KCND2: variants seen among roughly 807,000 people sequenced by gnomAD.
KCND2 encodes the protein A-type voltage-gated potassium channel KCND2.
KCND2 carries 16 observed loss-of-function variants against 54.4 expected under a neutral mutation model. That is an observed-to-expected ratio of 0.29 (90% CI 0.20 to 0.45). KCND2 has a LOEUF of 0.45. Among genes scored for constraint, KCND2 ranks in the 20% least tolerant of loss-of-function variants. The pLI is 1.00. For missense variants in KCND2, 486 were observed against 824.2 expected, an observed-to-expected ratio of 0.59 and a Z score of 5.02; for synonymous variants, 317 against 310.7, an observed-to-expected ratio of 1.02 and a Z score of -0.21.
intron 1 of KCND2, among the ~76,000 whole-genome samples, chr7:120,470,766 C>A (rs994833886): frequency 6.6e-6 from 1 of 151,760 alleles, no homozygotes; most frequent in African/African-American, 2.4e-5. Context: ...GGATGGATCT[C>A]ATGGAAACTC....
intron 1 of KCND2, among the ~76,000 whole-genome samples, chr7:120,338,430 A>G (rs34619721): frequency 0.021 from 3,141 of 152,052 alleles, 51 homozygotes; most frequent in Non-Finnish European, 0.03. Context: ...TTTTTTATCT[A>G]AATATCGTAT....
chr7:120,600,267 A>C (rs1792797767), intron 1 of KCND2, among the ~76,000 whole-genome samples: 1 of 151,986 alleles, frequency 6.6e-6, no homozygotes, highest in Admixed American at 6.6e-5. Flanking sequence ...GGAGACAGAT[A>C]CCAAAAAGCT....
At chr7:120,454,855 G>A (rs1464414937) in intron 1 of KCND2, among the ~76,000 whole-genome samples, 1 of 152,070 alleles carries the variant, frequency 6.6e-6, no homozygotes, top group African/African-American at 2.4e-5. Context: ...CAAAATTAGT[G>A]TACAAAAATC....
chr7:120,301,693 T>A (rs759490882), intron 1 of KCND2, among the ~76,000 whole-genome samples: 25 of 152,182 alleles, frequency 1.6e-4, no homozygotes, highest in Admixed American at 2.0e-4. Flanking sequence ...TTCAATGATA[T>A]TTGAACTTTT....
intron 1 of KCND2, among the ~76,000 whole-genome samples, chr7:120,614,199 G>A (rs1003496235): frequency 6.6e-6 from 1 of 152,128 alleles, no homozygotes; most frequent in Non-Finnish European, 1.5e-5. Flanking sequence ...TTTCAGTAGA[G>A]ACAGGGTTTC....
At position 120,385,732 on chromosome 7, in the gene KCND2, A is replaced by AT. The variant is rs1249325144; in HGVS notation, c.1115+109985_1115+109986insT. Among the ~76,000 whole-genome samples, 852 of 152,300 alleles carry AT rather than the reference A, an allele frequency of 5.6e-3. 4 individuals are homozygous for AT. The highest frequency in any genetic ancestry group is 0.019 in the African/African-American group (784 of 41,584). ...AAACTATGAATGTCTAGTTCAAGAC[A>AT]ACATTAAAGGTTTTGAGGAAAGAAA... is the stretch of plus-strand genomic sequence containing the variant. On this transcript the variant is annotated intron_variant, in intron 1 of 5. Transcript: ENST00000331113.
chr7:120,423,731 T>C (rs971141732), intron 1 of KCND2, among the ~76,000 whole-genome samples: 1 of 152,212 alleles, frequency 6.6e-6, no homozygotes, highest in African/African-American at 2.4e-5. Flanking sequence ...CATTACTGGC[T>C]CTTGTAGCAG....
intron 1 of KCND2, among the ~76,000 whole-genome samples, chr7:120,450,352 T>G (rs1802084231): frequency 6.6e-6 from 1 of 152,032 alleles, no homozygotes; most frequent in Non-Finnish European, 1.5e-5. Flanking sequence ...GAGGTTGCAG[T>G]GAGCCGAGAT....
chr7:120,605,330 C>G (rs556376465), intron 1 of KCND2, among the ~76,000 whole-genome samples: 2 of 152,020 alleles, frequency 1.3e-5, no homozygotes, highest in Admixed American at 6.6e-5. Context: ...ACATTTGTAC[C>G]CTTTTGTATC....
chr7:120,692,485 A>G (rs572320253), intron 1 of KCND2, among the ~76,000 whole-genome samples: 112 of 152,306 alleles, frequency 7.4e-4, no homozygotes, highest in African/African-American at 2.6e-3. Flanking sequence ...GATGTAAGAT[A>G]AACACACCAA....
intron 1 of KCND2, among the ~76,000 whole-genome samples, chr7:120,672,492 C>G (rs1053798903): frequency 1.3e-5 from 2 of 152,112 alleles, no homozygotes; most frequent in African/African-American, 4.8e-5. Context: ...AAGTAATCTA[C>G]TGCTGTGGCC....
At chr7:120,324,621 G>A (rs1351067446) in intron 1 of KCND2, among the ~76,000 whole-genome samples, 9 of 149,570 alleles carry the variant, frequency 6.0e-5, no homozygotes, top group Non-Finnish European at 9.0e-5. Flanking sequence ...GATAAGCGGT[G>A]TTATTTCTGA....
intron 1 of KCND2, among the ~76,000 whole-genome samples, chr7:120,671,804 C>G (rs1791996751): frequency 6.6e-6 from 1 of 152,130 alleles, no homozygotes; most frequent in Non-Finnish European, 1.5e-5. Flanking sequence ...TTAGAACCCT[C>G]AAACCTGCGT....
intron 1 of KCND2, among the ~76,000 whole-genome samples, chr7:120,557,112 TTG>T (rs1217544292): frequency 6.6e-6 from 1 of 152,138 alleles, no homozygotes; most frequent in African/African-American, 2.4e-5. Context: ...TCAAAACATT[TTG>T]TGTGTTACTT....
chr7:120,427,998 A>T (rs763243083), intron 1 of KCND2, among the ~76,000 whole-genome samples: 1 of 152,210 alleles, frequency 6.6e-6, no homozygotes, highest in Non-Finnish European at 1.5e-5. Flanking sequence ...ATTGGTTTAC[A>T]TCTTATATGA....
chr7:120,548,262 A>G (rs981641410), intron 1 of KCND2, among the ~76,000 whole-genome samples: 1 of 152,066 alleles, frequency 6.6e-6, no homozygotes, highest in African/African-American at 2.4e-5. Flanking sequence ...GTGGAAACCG[A>G]CCTAAATCAC....
At chr7:120,377,009 TG>T (rs2116015286) in intron 1 of KCND2, among the ~76,000 whole-genome samples, 1 of 152,058 alleles carries the variant, frequency 6.6e-6, no homozygotes, top group Non-Finnish European at 1.5e-5. Context: ...GTTTTCAAAT[TG>T]CAATTTGATG....
intron 1 of KCND2, among the ~76,000 whole-genome samples, chr7:120,559,984 G>A (rs777938407): frequency 6.6e-6 from 1 of 152,162 alleles, no homozygotes; most frequent in Non-Finnish European, 1.5e-5. Context: ...ATGATTTCAT[G>A]TTGTATTCAA....
chr7:120,714,144 C>A (rs570941607), intron 1 of KCND2, among the ~76,000 whole-genome samples: 4 of 152,044 alleles, frequency 2.6e-5, no homozygotes, highest in Non-Finnish European at 5.9e-5. Context: ...TAATTCAGTT[C>A]TACAGTGCCT....
Sources: gnomAD v4.1 joint callset for allele counts (sites outside exome capture counted in the v4.1 genomes callset) on GRCh38, gnomAD v4.1.1 for gene constraint, MANE v1.5 for transcripts, NCBI Gene and HGNC (gene_info 2026-07-23, HGNC 2026-07-21) for gene names.